CCDC134: variants seen among roughly 807,000 people sequenced by gnomAD.
CCDC134 encodes coiled-coil domain containing 134, also known as coiled-coil domain-containing protein 134.
Under a neutral mutation model 25.6 loss-of-function variants are expected in CCDC134, and 27 were observed. The ratio of observed to expected loss-of-function variants is 1.05; its 90% CI spans 0.78 to 1.45. The LOEUF is 1.45. CCDC134 is among the 40% of genes most tolerant of loss of function. The pLI is 0.00. For synonymous variants in CCDC134, 110 were observed against 115.0 expected, an observed-to-expected ratio of 0.96 and a Z score of 0.28; for missense variants, 261 against 286.7, an observed-to-expected ratio of 0.91 and a Z score of 0.65.
intron 6 of CCDC134, among the ~76,000 whole-genome samples, chr22:41,817,767 T>TAAATAAAA (rs1236451438): frequency 1.4e-5 from 2 of 144,598 alleles, no homozygotes; most frequent in African/African-American, 5.1e-5. Context: ...AATAAATAAA[T>TAAATAAAA]AAAAAGAGAG....
Position 41,825,913 on chromosome 22 carries a change from C to T in CCDC134, c.*90C>T, listed in dbSNP as rs1397247793. 5.2e-6 allele frequency: 8 copies of T among 1,538,080 alleles called. No individual in the cohort carries two copies. Among genetic ancestry groups the T allele is most frequent in the Non-Finnish European group, 7.0e-6 (8 of 1,135,038 alleles). ...GTGTGGTTGTGGTGGAGAGCACCAG[C>T]TAGCCCCTTCCAGAAGGGGAGGCCA... is the stretch of plus-strand genomic sequence containing the variant. On this transcript the variant is annotated 3_prime_UTR_variant, in exon 7 of 7. Transcript: ENST00000255784. This position sits in a 1 kb window ranked among gnomAD's most constrained non-coding sequence, Gnocchi z 4.4.
chr22:41,803,829 G>A (rs1277120357), intron 1 of CCDC134, among the ~76,000 whole-genome samples: 1 of 152,032 alleles, frequency 6.6e-6, no homozygotes. Context: ...GATAATCTCA[G>A]TTTGCATAAT....
intron 6 of CCDC134, among the ~76,000 whole-genome samples, chr22:41,823,315 C>T (rs1393950520): frequency 6.6e-6 from 1 of 151,340 alleles, no homozygotes; most frequent in East Asian, 1.9e-4. Context: ...ACCCCCGCCT[C>T]CTGGGTTCAG....
chr22:41,808,460 C>T (rs941740355), intron 1 of CCDC134, among the ~76,000 whole-genome samples: 2 of 152,086 alleles, frequency 1.3e-5, no homozygotes, highest in African/African-American at 4.8e-5. Flanking sequence ...AGCCCCTCCT[C>T]CCCAGGCACA....
intron 6 of CCDC134, among the ~76,000 whole-genome samples, chr22:41,817,306 G>A (rs1216647154): frequency 6.6e-6 from 1 of 152,134 alleles, no homozygotes; most frequent in East Asian, 1.9e-4. Flanking sequence ...GATGAAGTAG[G>A]CTTGATCAGC....
chr22:41,825,548 A>G lies in CCDC134; in HGVS notation c.565-150A>G. 1.0e-6 allele frequency: 1 copy of G among 964,762 alleles called. No individual in the cohort carries two copies. The highest frequency in any genetic ancestry group is 1.5e-6 in the Non-Finnish European group (1 of 651,882). The allele number at this position is 964,762 out of a possible 1,614,324, so 59.8% of individuals were successfully genotyped here. On this transcript the variant is annotated intron_variant, in intron 6 of 6. Transcript: ENST00000255784. The surrounding 1 kb of genome is among the most constrained non-coding windows in gnomAD (Gnocchi z 4.4). ...GCTTATCTTCCAACACCCACTCAGCAGTTCTCCCAAACCCATTTCCTGTCT... is the reference window on the plus strand; with the variant it reads ...GCTTATCTTCCAACACCCACTCAGCGGTTCTCCCAAACCCATTTCCTGTCT...
intron 6 of CCDC134, among the ~76,000 whole-genome samples, chr22:41,814,304 A>G (rs906846933): frequency 2.0e-5 from 3 of 152,156 alleles, no homozygotes; most frequent in Non-Finnish European, 4.4e-5. Context: ...GGTGGCTCAC[A>G]TCTGTAATTC....
intron 1 of CCDC134, among the ~76,000 whole-genome samples, chr22:41,805,634 G>A (rs1294717995): frequency 6.6e-6 from 1 of 152,074 alleles, no homozygotes; most frequent in African/African-American, 2.4e-5. Context: ...CCAAATATAT[G>A]TCATAAACAC....
intron 2 of CCDC134, among the ~76,000 whole-genome samples, chr22:41,809,646 G>A (rs1454397439): frequency 6.6e-6 from 1 of 152,210 alleles, no homozygotes; most frequent in Admixed American, 6.5e-5. Context: ...GCAGGAGCCA[G>A]GTCTGGAGGC....
intron 3 of CCDC134, 23 bp downstream of exon 3, chr22:41,810,023 T>C: frequency 1.2e-6 from 2 of 1,613,366 alleles, no homozygotes; most frequent in Non-Finnish European, 1.7e-6. Flanking sequence ...AGGGGGCAGC[T>C]CATGGCAGGT....
At chr22:41,812,986 T>G (rs2148311714) in intron 4 of CCDC134, among the ~76,000 whole-genome samples, 1 of 152,328 alleles carries the variant, frequency 6.6e-6, no homozygotes, top group Non-Finnish European at 1.5e-5. Context: ...CAGCCCAGAT[T>G]TGCTACTCAC....
At chr22:41,805,848 G>C (rs968591883) in intron 1 of CCDC134, among the ~76,000 whole-genome samples, 1 of 152,176 alleles carries the variant, frequency 6.6e-6, no homozygotes, top group Non-Finnish European at 1.5e-5. Flanking sequence ...GAGGTAGGAG[G>C]CTTGTTTAAG....
At chr22:41,806,368 G>A (rs554028056) in intron 1 of CCDC134, among the ~76,000 whole-genome samples, 1 of 151,940 alleles carries the variant, frequency 6.6e-6, no homozygotes, top group South Asian at 2.1e-4. Context: ...ACAGGCACAT[G>A]CCTCCACGCC....
intron 4 of CCDC134, among the ~76,000 whole-genome samples, chr22:41,811,138 C>T (rs2076594005): frequency 6.6e-6 from 1 of 152,086 alleles, no homozygotes; most frequent in Non-Finnish European, 1.5e-5. Flanking sequence ...CAGGCTGGCT[C>T]CAATAGGGAC....
At chr22:41,804,352 G>T (rs1156268349) in intron 1 of CCDC134, among the ~76,000 whole-genome samples, 2 of 152,146 alleles carry the variant, frequency 1.3e-5, no homozygotes, top group Admixed American at 1.3e-4. Flanking sequence ...AACTTACAGG[G>T]CTTCAGGAAC....
At chr22:41,824,276 G>T (rs2076665682) in intron 6 of CCDC134, among the ~76,000 whole-genome samples, 1 of 152,144 alleles carries the variant, frequency 6.6e-6, no homozygotes, top group Admixed American at 6.6e-5. Context: ...AGCGTTCTGG[G>T]CCTCAGCCAC....
At chr22:41,808,829 C>T (rs1462750695) in intron 1 of CCDC134, 46 bp from the exon 2 acceptor site, 1 of 1,442,702 alleles carries the variant, frequency 6.9e-7, no homozygotes, top group Non-Finnish European at 9.8e-7. Context: ...TTTTATGTAA[C>T]ACCGATCTCT....
intron 1 of CCDC134, among the ~76,000 whole-genome samples, chr22:41,803,109 C>T (rs181943629): frequency 5.9e-5 from 9 of 151,486 alleles, no homozygotes; most frequent in Non-Finnish European, 1.0e-4. Flanking sequence ...AGCGAAACTC[C>T]GTCTCAAAAA....
At chr22:41,801,452 A>G (rs923185762) in intron 1 of CCDC134, among the ~76,000 whole-genome samples, 2 of 152,202 alleles carry the variant, frequency 1.3e-5, no homozygotes, top group Non-Finnish European at 2.9e-5. Flanking sequence ...GTCAGAAGAC[A>G]GAGCACTGGA....
Sources: allele counts gnomAD v4.1 joint callset (sites outside exome capture counted in the v4.1 genomes callset), GRCh38; gene constraint gnomAD v4.1.1; non-coding constraint Gnocchi (gnomAD v3.1); transcripts MANE v1.5; gene names NCBI Gene and HGNC (gene_info 2026-07-23, HGNC 2026-07-21).